LIMS1: variants seen among roughly 807,000 people sequenced by gnomAD.
The protein encoded by LIMS1 is LIM and senescent cell antigen-like-containing domain protein 1.
In LIMS1, 18 loss-of-function variants were observed where a neutral mutation model predicts 44.1. The observed-to-expected ratio is 0.41, with a 90% CI of 0.28 to 0.61. The LOEUF is 0.61. Among genes scored for constraint, LIMS1 ranks in the 20% least tolerant of loss-of-function variants. The pLI, the probability that LIMS1 is intolerant of heterozygous loss-of-function variation, is 0.32. For synonymous variants in LIMS1, 93 were observed against 149.1 expected, an observed-to-expected ratio of 0.62 and a Z score of 2.74; for missense variants, 201 against 422.0, an observed-to-expected ratio of 0.48 and a Z score of 4.59.
chr2:108,642,423 G>A (rs1340974416), intron 1 of LIMS1, among the ~76,000 whole-genome samples: 5 of 128,988 alleles, frequency 3.9e-5, no homozygotes, highest in African/African-American at 1.4e-4. Flanking sequence ...GCAGTGGCGC[G>A]ATCTCGGCTC....
chr2:108,588,329 A>G, intron 1 of LIMS1: 1 of 985,366 alleles, frequency 1.0e-6, no homozygotes, highest in Non-Finnish European at 1.2e-6. Flanking sequence ...GACAACAGAG[A>G]CAAAGCTAAG....
intron 2 of LIMS1, among the ~76,000 whole-genome samples, chr2:108,661,760 C>A (rs942884315): frequency 1.3e-5 from 2 of 152,102 alleles, no homozygotes; most frequent in Non-Finnish European, 2.9e-5. Context: ...CCATGGAGGC[C>A]TGCGGGGACT....
chr2:108,652,854 A>ATCTG (rs752346801), intron 1 of LIMS1, among the ~76,000 whole-genome samples: 1 of 152,000 alleles, frequency 6.6e-6, no homozygotes, highest in Non-Finnish European at 1.5e-5. Flanking sequence ...GTCCCCATCC[A>ATCTG]TCTGTCTGTC....
intron 1 of LIMS1, among the ~76,000 whole-genome samples, chr2:108,649,206 G>T (rs1192388638): frequency 6.6e-6 from 1 of 152,192 alleles, no homozygotes; most frequent in Non-Finnish European, 1.5e-5. Context: ...TATTTATGCA[G>T]CCAACAGACA....
chr2:108,600,003 GTT>G (rs1246518829), intron 1 of LIMS1, among the ~76,000 whole-genome samples: 1 of 151,098 alleles, frequency 6.6e-6, no homozygotes, highest in Admixed American at 6.7e-5. Flanking sequence ...TTTGTTGACT[GTT>G]TTCCTTTGCT....
At chr2:108,534,293 G>T (rs1449692969), upstream of LIMS1, 5 of 129,666 alleles carry the variant, frequency 3.9e-5, no homozygotes, top group African/African-American at 1.6e-4. Context: ...GCCCCCCCGC[G>T]CCTACCTCTC....
At chr2:108,643,129 G>A (rs1051218020) in intron 1 of LIMS1, among the ~76,000 whole-genome samples, 5 of 152,208 alleles carry the variant, frequency 3.3e-5, no homozygotes, top group African/African-American at 1.2e-4. Flanking sequence ...TGTCCTGTAG[G>A]ATCTCCCAAA....
intron 1 of LIMS1, among the ~76,000 whole-genome samples, chr2:108,637,099 A>ATGTGTGTGTGTGTGTG (rs74315160): frequency 1.0e-4 from 10 of 98,606 alleles, no homozygotes; most frequent in South Asian, 3.2e-4. Flanking sequence ...ATATACATAT[A>ATGTGTGTGTGTGTGTG]TGTGTGTGTG....
intron 1 of LIMS1, among the ~76,000 whole-genome samples, chr2:108,588,794 G>T (rs925770085): frequency 1.3e-5 from 2 of 152,162 alleles, no homozygotes; most frequent in African/African-American, 4.8e-5. Flanking sequence ...TGCTGCAGAG[G>T]TTATGATTGT....
chr2:108,677,534 T>C (rs1462239074), intron 7 of LIMS1: 1 of 166,778 alleles, frequency 6.0e-6, no homozygotes, highest in East Asian at 1.8e-4. Context: ...TTTATGACCA[T>C]GGAAATGTCC....
At chr2:108,636,554 T>G (rs1689264782) in intron 1 of LIMS1, among the ~76,000 whole-genome samples, 1 of 152,142 alleles carries the variant, frequency 6.6e-6, no homozygotes, top group Non-Finnish European at 1.5e-5. Flanking sequence ...GTGCTGCTCA[T>G]AGAGGACAAA....
chr2:108,632,207 G>A (rs1558818810), intron 1 of LIMS1, among the ~76,000 whole-genome samples: 1 of 152,188 alleles, frequency 6.6e-6, no homozygotes, highest in Non-Finnish European at 1.5e-5. Flanking sequence ...CTGACCTCAG[G>A]TGATCCACCT....
intron 2 of LIMS1, 190 bp downstream of exon 2, chr2:108,659,954 A>G: frequency 1.9e-6 from 1 of 518,042 alleles, no homozygotes. Context: ...CAGTGGCATG[A>G]TTGGGACACC....
At chr2:108,607,697 C>CT (rs1195428570) in intron 1 of LIMS1, among the ~76,000 whole-genome samples, 1 of 152,158 alleles carries the variant, frequency 6.6e-6, no homozygotes, top group Admixed American at 6.6e-5. Flanking sequence ...TATCCCTTAA[C>CT]TTTTCTCGTC....
At chr2:108,543,044 A>G (rs1317749611) in intron 1 of LIMS1, among the ~76,000 whole-genome samples, 1 of 152,272 alleles carries the variant, frequency 6.6e-6, no homozygotes, top group African/African-American at 2.4e-5. Context: ...GCTATAGGGC[A>G]TGGAGTATAC....
chr2:108,664,443 G>A (rs1382967576), intron 2 of LIMS1, among the ~76,000 whole-genome samples: 1 of 152,164 alleles, frequency 6.6e-6, no homozygotes, highest in Non-Finnish European at 1.5e-5. Flanking sequence ...CAAGCGGTGG[G>A]ACCCCAGGGT....
chr2:108,562,831 G>C (rs1165000360), intron 1 of LIMS1, among the ~76,000 whole-genome samples: 2 of 152,212 alleles, frequency 1.3e-5, no homozygotes, highest in Admixed American at 1.3e-4. Flanking sequence ...ATGCCATCTA[G>C]GACTCAAGGC....
intron 1 of LIMS1, among the ~76,000 whole-genome samples, chr2:108,547,501 C>G (rs2104580175): frequency 6.6e-6 from 1 of 152,196 alleles, no homozygotes; most frequent in African/African-American, 2.4e-5. Context: ...GGTGCCAAGC[C>G]CATAACTAGC....
chr2:108,670,263 T>C (rs1204512268), intron 2 of LIMS1, among the ~76,000 whole-genome samples: 1 of 152,076 alleles, frequency 6.6e-6, no homozygotes, highest in Admixed American at 6.6e-5. Context: ...GGTAGGAGGA[T>C]TGCTTTGGGC....
Sources: allele counts gnomAD v4.1 joint callset (sites outside exome capture counted in the v4.1 genomes callset), GRCh38; gene constraint gnomAD v4.1.1; transcripts MANE v1.5; gene names NCBI Gene and HGNC (gene_info 2026-07-23, HGNC 2026-07-21).